The following COL25A1 variants were observed in gnomAD, a reference collection of about 807,000 sequenced individuals.
COL25A1 encodes collagen alpha-1(XXV) chain.
A neutral mutation model predicts 128.4 loss-of-function variants in COL25A1; 103 were observed. That is an observed-to-expected ratio of 0.80 (90% CI 0.68 to 0.94). COL25A1 has a LOEUF of 0.94. Ranked by LOEUF, COL25A1 falls within the 40% of genes least tolerant of loss-of-function variation. The pLI is 0.00. For synonymous variants in COL25A1, 279 were observed against 277.2 expected (o/e 1.01, Z -0.06); for missense variants, 745 against 840.0 (o/e 0.89, Z 1.40).
intron 10 of COL25A1, among the ~76,000 whole-genome samples, chr4:108,939,751 A>G (rs2125926366): frequency 6.6e-6 from 1 of 152,284 alleles, no homozygotes; most frequent in African/African-American, 2.4e-5. Context: ...CTTAATTTCT[A>G]GTCCTAAAGT....
intron 3 of COL25A1, among the ~76,000 whole-genome samples, chr4:109,125,412 T>C (rs1230736851): frequency 2.0e-5 from 3 of 152,126 alleles, no homozygotes; most frequent in Non-Finnish European, 4.4e-5. Flanking sequence ...GGCAGGGTGC[T>C]GAACACCCGA....
At position 109,069,967 on chromosome 4, in the gene COL25A1, A is replaced by AAT. The variant is rs201631517; in HGVS notation, c.368-19790_368-19789dup. ...AATTTCAAAAATTAAGAAGAGCAATAATTTTTTTTTTTTTTTTAAACCCTC... is the reference window on the plus strand; with the variant it reads ...AATTTCAAAAATTAAGAAGAGCAATAATATTTTTTTTTTTTTTTTAAACCCTC... On this transcript the variant is annotated intron_variant, in intron 3 of 37. Transcript: ENST00000399132. 6.0e-3 allele frequency among the ~76,000 whole-genome samples: 439 copies of AAT among 73,586 alleles called. 3 individuals are homozygous for AAT. Among genetic ancestry groups the AAT allele is most frequent in the Admixed American group, 9.5e-3 (49 of 5,132 alleles). 48.3% of individuals were successfully genotyped at this position (73,586 alleles called of 152,430 possible).
chr4:108,899,014 C>G, intron 15 of COL25A1, 140 bp downstream of exon 15: 1 of 545,308 alleles, frequency 1.8e-6, no homozygotes, highest in Non-Finnish European at 3.1e-6. Flanking sequence ...TATCTATATA[C>G]CTACCTACCT....
At chr4:108,896,768 T>C in intron 15 of COL25A1, 57 bp from the exon 16 acceptor site, 1 of 1,422,300 alleles carries the variant, frequency 7.0e-7, no homozygotes, top group South Asian at 1.2e-5. Context: ...AAGCAGATAA[T>C]ATTTTTCATT....
At chr4:109,106,320 C>T (rs886322659) in intron 3 of COL25A1, among the ~76,000 whole-genome samples, 2 of 152,162 alleles carry the variant, frequency 1.3e-5, no homozygotes, top group Admixed American at 1.3e-4. Context: ...AAATTGTCAA[C>T]TTTCCCACCA....
chr4:109,137,773 A>G (rs1015399676), intron 3 of COL25A1, among the ~76,000 whole-genome samples: 4 of 152,316 alleles, frequency 2.6e-5, no homozygotes, highest in East Asian at 1.9e-4. Flanking sequence ...TAGGATCTCA[A>G]AAAACATCTG....
chr4:109,012,534 G>A (rs528371810), intron 5 of COL25A1, among the ~76,000 whole-genome samples: 239 of 152,302 alleles, frequency 1.6e-3, no homozygotes, highest in African/African-American at 5.6e-3. Flanking sequence ...GCGAGTTCCA[G>A]GTGGGCGCGG....
chr4:109,146,728 C>T (rs1002202930), intron 3 of COL25A1, among the ~76,000 whole-genome samples: 1 of 152,236 alleles, frequency 6.6e-6, no homozygotes, highest in Non-Finnish European at 1.5e-5. Context: ...TGTCCCCCAG[C>T]AGCAATTTCC....
At chr4:108,990,569 C>G (rs1205183294) in intron 6 of COL25A1, among the ~76,000 whole-genome samples, 1 of 151,912 alleles carries the variant, frequency 6.6e-6, no homozygotes, top group East Asian at 1.9e-4. Context: ...AAAAATCTAT[C>G]TACTTTGAGG....
intron 6 of COL25A1, among the ~76,000 whole-genome samples, chr4:108,997,487 C>T (rs1015041836): frequency 1.3e-5 from 2 of 152,032 alleles, no homozygotes; most frequent in African/African-American, 4.8e-5. Flanking sequence ...AATTAATAGC[C>T]TACCAACCAA....
chr4:109,289,566 C>T (rs1724258654), intron 3 of COL25A1, among the ~76,000 whole-genome samples: 1 of 151,976 alleles, frequency 6.6e-6, no homozygotes, highest in Non-Finnish European at 1.5e-5. Context: ...ATAGCTATCA[C>T]CCAGGAAAGG....
intron 3 of COL25A1, among the ~76,000 whole-genome samples, chr4:109,265,757 T>C (rs1781749595): frequency 6.6e-6 from 1 of 152,178 alleles, no homozygotes; most frequent in South Asian, 2.1e-4. Flanking sequence ...TCTCTCATTA[T>C]CTGCCTGCTA....
chr4:109,090,202 C>T (rs1429016947), intron 3 of COL25A1, among the ~76,000 whole-genome samples: 1 of 152,014 alleles, frequency 6.6e-6, no homozygotes, highest in Admixed American at 6.6e-5. Flanking sequence ...TAAAGTAGTA[C>T]ATTTGACCTA....
chr4:108,854,292 C>T (rs967838445), intron 24 of COL25A1, among the ~76,000 whole-genome samples: 2 of 152,046 alleles, frequency 1.3e-5, no homozygotes, highest in African/African-American at 4.8e-5. Flanking sequence ...CAATACCATT[C>T]AGGTCATAGG....
intron 11 of COL25A1, among the ~76,000 whole-genome samples, chr4:108,924,397 T>C (rs72668378): frequency 0.1 from 15,586 of 152,262 alleles, 1,021 homozygotes; most frequent in Non-Finnish European, 0.15. Context: ...ATTCCATATG[T>C]AAAGATTTAT....
At chr4:108,931,908 GATAAAGC>G (rs1307321353) in intron 11 of COL25A1, among the ~76,000 whole-genome samples, 1 of 152,240 alleles carries the variant, frequency 6.6e-6, no homozygotes, top group African/African-American at 2.4e-5. Flanking sequence ...AAGGGAGGCT[GATAAAGC>G]ATTAGAATGG....
At chr4:109,153,336 G>A (rs140690006) in intron 3 of COL25A1, among the ~76,000 whole-genome samples, 21 of 145,070 alleles carry the variant, frequency 1.4e-4, no homozygotes, top group African/African-American at 3.9e-4. Context: ...AGCCAAGACC[G>A]CACCATTGCA....
chr4:109,003,053 G>A (rs940488206), intron 6 of COL25A1, among the ~76,000 whole-genome samples: 5 of 152,222 alleles, frequency 3.3e-5, no homozygotes, highest in African/African-American at 1.2e-4. Flanking sequence ...TTCTGCTCCT[G>A]TGTTAGTTTG....
chr4:109,161,478 A>C (rs528810971), intron 3 of COL25A1, among the ~76,000 whole-genome samples: 3 of 150,842 alleles, frequency 2.0e-5, no homozygotes, highest in South Asian at 2.1e-4. Context: ...TTATATTGTT[A>C]TAATATAATT....
Sources: gnomAD v4.1 joint callset for allele counts (sites outside exome capture counted in the v4.1 genomes callset) on GRCh38, gnomAD v4.1.1 for gene constraint, MANE v1.5 for transcripts, NCBI Gene and HGNC (gene_info 2026-07-23, HGNC 2026-07-21) for gene names.